The following EGLN3 variants were observed in gnomAD, a reference collection of about 807,000 sequenced individuals.
The protein encoded by EGLN3 is egl-9 family hypoxia inducible factor 3.
Under a neutral mutation model 26.0 loss-of-function variants are expected in EGLN3, and 15 were observed. That is an observed-to-expected ratio of 0.58 (90% confidence interval 0.39 to 0.89). The LOEUF is 0.89. Ranked by LOEUF, EGLN3 falls within the 40% of genes least tolerant of loss-of-function variation. The pLI is 0.00. For missense variants in EGLN3, 238 were observed against 311.6 expected (o/e 0.76, Z 1.78); for synonymous variants, 147 against 127.2 (o/e 1.16, Z -1.05).
At chr14:33,947,350 C>A (rs1485979261) in intron 1 of EGLN3, among the ~76,000 whole-genome samples, 1 of 152,248 alleles carries the variant, frequency 6.6e-6, no homozygotes, top group African/African-American at 2.4e-5. Context: ...GTCTTCAACA[C>A]CCTTGGATTT....
At chr14:33,939,734 C>T (rs1483141532) in intron 1 of EGLN3, among the ~76,000 whole-genome samples, 1 of 152,174 alleles carries the variant, frequency 6.6e-6, no homozygotes, top group Non-Finnish European at 1.5e-5. Flanking sequence ...TCCCTAACAA[C>T]CGCATGAAGT....
At chr14:33,927,342 A>C (rs1387869594) in intron 3 of EGLN3, among the ~76,000 whole-genome samples, 1 of 151,774 alleles carries the variant, frequency 6.6e-6, no homozygotes, top group African/African-American at 2.4e-5. Flanking sequence ...CTAATTTTTA[A>C]ATTTTTAGTA....
chr14:33,950,006 AAAGT>A (rs1311522613), intron 1 of EGLN3: 2 of 470,406 alleles, frequency 4.3e-6, no homozygotes, highest in Non-Finnish European at 7.5e-6. Context: ...AGGTGGCTTT[AAAGT>A]AGGCATTTAA....
chr14:33,930,730 A>G (rs1004324148), intron 2 of EGLN3, among the ~76,000 whole-genome samples: 29 of 152,250 alleles, frequency 1.9e-4, no homozygotes, highest in African/African-American at 5.3e-4. Context: ...AACTTTCTCA[A>G]TGCTGCTGCT....
intron 3 of EGLN3, among the ~76,000 whole-genome samples, chr14:33,927,782 T>C (rs143139893): frequency 2.6e-5 from 4 of 152,322 alleles, no homozygotes; most frequent in Non-Finnish European, 4.4e-5. Flanking sequence ...AAACGACTTA[T>C]GTAAATCACA....
chr14:33,933,187 G>T (rs1006593088), intron 1 of EGLN3, among the ~76,000 whole-genome samples: 1 of 151,974 alleles, frequency 6.6e-6, no homozygotes, highest in Non-Finnish European at 1.5e-5. Flanking sequence ...ATTGGGTTAC[G>T]CAGCTGTCAA....
intron 1 of EGLN3, among the ~76,000 whole-genome samples, chr14:33,947,371 A>G (rs149292618): frequency 6.6e-6 from 1 of 152,312 alleles, no homozygotes; most frequent in African/African-American, 2.4e-5. Context: ...TTCTCCAGCA[A>G]AGATGAGGTA....
chr14:33,939,528 G>C (rs1269381569), intron 1 of EGLN3, among the ~76,000 whole-genome samples: 1 of 152,064 alleles, frequency 6.6e-6, no homozygotes, highest in African/African-American at 2.4e-5. Flanking sequence ...CTTAAAACAG[G>C]AGAAACCTAC....
chr14:33,947,033 A>G (rs780130374), intron 1 of EGLN3, among the ~76,000 whole-genome samples: 3 of 152,264 alleles, frequency 2.0e-5, no homozygotes, highest in Non-Finnish European at 4.4e-5. Context: ...CAGACAATAC[A>G]AACTGCTCAA....
At chr14:33,938,674 G>A (rs2064459235) in intron 1 of EGLN3, among the ~76,000 whole-genome samples, 1 of 152,240 alleles carries the variant, frequency 6.6e-6, no homozygotes, top group African/African-American at 2.4e-5. Flanking sequence ...CCAGGGATAA[G>A]GACATCAAGA....
intron 1 of EGLN3, among the ~76,000 whole-genome samples, chr14:33,935,761 T>C (rs1008984928): frequency 1.4e-4 from 21 of 151,988 alleles, no homozygotes; most frequent in African/African-American, 5.1e-4. Flanking sequence ...ACACATCCTA[T>C]CCAAAGACAA....
At chr14:33,938,968 T>C (rs2064461383) in intron 1 of EGLN3, among the ~76,000 whole-genome samples, 1 of 152,144 alleles carries the variant, frequency 6.6e-6, no homozygotes, top group South Asian at 2.1e-4. Context: ...CTTATCAGAA[T>C]AATAAAACAT....
chr14:33,927,159 T>TTATTTATTTATG (rs2064367917), intron 3 of EGLN3, 126 bp from the exon 4 acceptor site: 1 of 208,176 alleles, frequency 4.8e-6, no homozygotes. Flanking sequence ...CCTGATTTAT[T>TTATTTATTTATG]TATTTATTTA....
intron 4 of EGLN3, 38 bp from the exon 5 acceptor site, chr14:33,925,960 G>T (rs1474524675): frequency 1.2e-6 from 2 of 1,606,052 alleles, no homozygotes; most frequent in Non-Finnish European, 1.7e-6. Context: ...AGAGGGTATG[G>T]AGTCAGCTCT....
chr14:33,938,582 C>T (rs759556697), intron 1 of EGLN3, among the ~76,000 whole-genome samples: 1 of 152,214 alleles, frequency 6.6e-6, no homozygotes, highest in Non-Finnish European at 1.5e-5. Context: ...CATCCCCCTC[C>T]CCCATCTCTA....
Position 33,950,409 on chromosome 14 carries a change from T to C in EGLN3, c.344A>G (p.Lys115Arg). The C allele has an allele frequency of 6.2e-7, 1 of 1,613,144 alleles. No individual in the cohort carries two copies. Among genetic ancestry groups the C allele is most frequent in the Non-Finnish European group, 8.5e-7 (1 of 1,180,016 alleles). ...AGCGCGTCCTACCTTAGACCTCTCC[T>C]TGACGTAGTATTTGCCCAGCCGGCT... is the stretch of plus-strand genomic sequence containing the variant. ...CGSRLGKYYV[K>R]ERSKAMVACY... is the part of the protein sequence containing the mutation. Residue 115 changes from lysine (K) to arginine (R), a missense_variant, in exon 1 of 5, where the codon AAG becomes AGG. Physicochemically the swap from Lys to Arg is conservative, Grantham distance 26 (BLOSUM62 2). Transcript: ENST00000250457.
intron 2 of EGLN3, among the ~76,000 whole-genome samples, chr14:33,929,565 T>TG (rs1373795003): frequency 2.0e-5 from 3 of 152,220 alleles, no homozygotes; most frequent in Non-Finnish European, 2.9e-5. Flanking sequence ...TTGGTCAGGC[T>TG]GGTCTCGAAC....
At chr14:33,941,936 G>A (rs1000603036) in intron 1 of EGLN3, among the ~76,000 whole-genome samples, 2 of 152,216 alleles carry the variant, frequency 1.3e-5, no homozygotes, top group African/African-American at 4.8e-5. Context: ...GGGAGGAAAG[G>A]AAGGCAGTGG....
At chr14:33,941,102 T>G (rs1374276017) in intron 1 of EGLN3, among the ~76,000 whole-genome samples, 1 of 152,218 alleles carries the variant, frequency 6.6e-6, no homozygotes, top group Non-Finnish European at 1.5e-5. Flanking sequence ...ATGATGAAAG[T>G]GGGCTCAGAG....
Sources: gnomAD v4.1 joint callset for allele counts (sites outside exome capture counted in the v4.1 genomes callset) on GRCh38, gnomAD v4.1.1 for gene constraint, MANE v1.5 for transcripts, NCBI Gene and HGNC (gene_info 2026-07-23, HGNC 2026-07-21) for gene names.